Variants in UNC5B observed in about 807,000 individuals in gnomAD.
UNC5B encodes the protein netrin receptor UNC5B.
A neutral mutation model predicts 103.7 loss-of-function variants in UNC5B; 56 were observed. The observed-to-expected ratio is 0.54, with a 90% CI of 0.44 to 0.67. UNC5B has a LOEUF of 0.67. Ranked by LOEUF, UNC5B falls within the 30% of genes least tolerant of loss-of-function variation. The probability of loss-of-function intolerance (pLI) is 0.00; values close to 1 mark genes in which losing one functional copy is unlikely to be tolerated. For missense variants in UNC5B, 1,194 were observed against 1,284.5 expected, an observed-to-expected ratio of 0.93 and a Z score of 1.08; for synonymous variants, 577 against 542.0, an observed-to-expected ratio of 1.06 and a Z score of -0.90.
intron 1 of UNC5B, among the ~76,000 whole-genome samples, chr10:71,215,385 G>T (rs913600623): frequency 2.6e-5 from 4 of 152,114 alleles, no homozygotes; most frequent in Admixed American, 2.6e-4. Flanking sequence ...GGCAGGCGAG[G>T]CTCTCTCTGC....
intron 13 of UNC5B, among the ~76,000 whole-genome samples, chr10:71,295,088 G>A (rs548019016): frequency 6.6e-6 from 1 of 152,284 alleles, no homozygotes; most frequent in African/African-American, 2.4e-5. Flanking sequence ...CATGGGACTT[G>A]TCCCAAAGCC....
At chr10:71,250,370 C>G (rs922006382) in intron 1 of UNC5B, among the ~76,000 whole-genome samples, 4 of 152,240 alleles carry the variant, frequency 2.6e-5, no homozygotes, top group African/African-American at 9.6e-5. Context: ...GCCTTGGCCT[C>G]TCTTCTTCAT....
At chr10:71,244,891 C>T (rs1228919759) in intron 1 of UNC5B, among the ~76,000 whole-genome samples, 1 of 152,234 alleles carries the variant, frequency 6.6e-6, no homozygotes, top group African/African-American at 2.4e-5. Context: ...TCCCGCTGGC[C>T]CTCCCCAACC....
chr10:71,245,820 T>C (rs1302610909), intron 1 of UNC5B, among the ~76,000 whole-genome samples: 1 of 152,136 alleles, frequency 6.6e-6, no homozygotes, highest in East Asian at 1.9e-4. Flanking sequence ...TGTCCTCCCG[T>C]TCCATTGTGA....
chr10:71,239,729 G>C (rs1479372614), intron 1 of UNC5B, among the ~76,000 whole-genome samples: 1 of 151,946 alleles, frequency 6.6e-6, no homozygotes, highest in African/African-American at 2.4e-5. Context: ...ATGGGTGGGA[G>C]CCCCAGAGAT....
intron 1 of UNC5B, among the ~76,000 whole-genome samples, chr10:71,230,065 C>T (rs1483719950): frequency 6.6e-6 from 1 of 152,196 alleles, no homozygotes; most frequent in East Asian, 1.9e-4. Context: ...TATCATCTGA[C>T]TTTTCACCCC....
At chr10:71,276,083 A>T (rs1844764074) in intron 1 of UNC5B, among the ~76,000 whole-genome samples, 1 of 152,154 alleles carries the variant, frequency 6.6e-6, no homozygotes, top group South Asian at 2.1e-4. Context: ...CTTTCAATTT[A>T]TCCTAAGATT....
At chr10:71,258,205 G>A (rs1844335709) in intron 1 of UNC5B, among the ~76,000 whole-genome samples, 1 of 152,296 alleles carries the variant, frequency 6.6e-6, no homozygotes, top group South Asian at 2.1e-4. Flanking sequence ...CGGATGTTGG[G>A]CTCTTTCCAC....
chr10:71,280,701 C>G (rs949860862), intron 2 of UNC5B, among the ~76,000 whole-genome samples: 3 of 152,172 alleles, frequency 2.0e-5, no homozygotes, highest in African/African-American at 4.8e-5. Context: ...TGGGGCTCCC[C>G]ACATCTCCCA....
At chr10:71,282,422 C>CG (rs1844954158) in intron 2 of UNC5B, among the ~76,000 whole-genome samples, 2 of 152,334 alleles carry the variant, frequency 1.3e-5, no homozygotes, top group Admixed American at 1.3e-4. Flanking sequence ...CCCTGCATCT[C>CG]TGCTTGCTGG....
In UNC5B at chr10:71,299,196, C is replaced by T; in HGVS notation, c.2757C>T (p.Asp919=). The T allele has an allele frequency of 6.2e-7, 1 of 1,614,240 alleles. No homozygotes were observed. The highest frequency in any genetic ancestry group is 8.5e-7 in the Non-Finnish European group (1 of 1,180,046). ...LWEALQQDDG[D]LNSLASALEE... is the part of the protein sequence containing the mutation. ...AAGCTCTGCAGCAGGACGATGGGGA[C>T]CTCAACAGCCTGGCGAGTGCCTTGG... The change falls in exon 17 of 17, where the codon GAC becomes GAT. Residue 919 remains aspartate (D), a synonymous_variant. Coordinates refer to ENST00000335350, the MANE Select transcript of UNC5B (RefSeq NM_170744.5).
chr10:71,214,323 G>A (rs1037600128), intron 1 of UNC5B, among the ~76,000 whole-genome samples: 10 of 151,398 alleles, frequency 6.6e-5, no homozygotes, highest in African/African-American at 2.4e-4. Context: ...TGAGGGCTTG[G>A]CTTTAGCACA....
rs58235566 is a variant in UNC5B, at chr10:71,213,728, A to AGTGTGTGTGTGT, written c.79+687_79+698dup. On this transcript the variant is annotated intron_variant, in intron 1 of 16. Transcript: ENST00000335350. This position sits in a 1 kb window ranked among gnomAD's most constrained non-coding sequence, Gnocchi z 4.1. The stretch of plus-strand genomic sequence containing the variant: ...ATTATTAATTTTCTGAGTGTTGGAG[A>AGTGTGTGTGTGT]GTGTGTGTGTGTGTGTGTGTGTGTG... 0.034 allele frequency among the ~76,000 whole-genome samples: 4,446 copies of AGTGTGTGTGTGT among 131,340 alleles called. 80 individuals are homozygous for AGTGTGTGTGTGT. The highest frequency in any genetic ancestry group is 0.054 in the Middle Eastern group (14 of 260). The allele number at this position is 131,340 out of a possible 152,430, so 86.2% of individuals were successfully genotyped here. A position where few individuals can be genotyped will look rare whatever the true frequency, so the allele number is the denominator to read the frequency against.
chr10:71,291,734 C>A lies in UNC5B; in HGVS notation c.1597C>A (p.Gln533Lys). 5 of 1,611,782 alleles carry A rather than the reference C, an allele frequency of 3.1e-6. No individual in the cohort carries two copies. The highest frequency in any genetic ancestry group is 4.2e-6 in the Non-Finnish European group (5 of 1,179,940). ...GCGCAGCGCCAGCCTCGGTTCCCAGCAGCTCTTGGGCCTGCCCCGAGACCC... is the reference window on the plus strand; with the variant it reads ...GCGCAGCGCCAGCCTCGGTTCCCAGAAGCTCTTGGGCCTGCCCCGAGACCC... The part of the protein sequence containing the change: ...HLRSASLGSQ[Q>K]LLGLPRDPGS... The change falls in exon 10 of 17, where the codon CAG becomes AAG. Residue 533 changes from glutamine to lysine, a missense_variant. Physicochemically the swap from Gln to Lys is moderately conservative, Grantham distance 53 (BLOSUM62 1). Transcript: ENST00000335350.
At chr10:71,249,134 AC>A (rs1844116720) in intron 1 of UNC5B, among the ~76,000 whole-genome samples, 1 of 152,022 alleles carries the variant, frequency 6.6e-6, no homozygotes. Context: ...CAGGCACCTC[AC>A]CCCAGGGTTG....
At chr10:71,253,932 C>T (rs1352361724) in intron 1 of UNC5B, among the ~76,000 whole-genome samples, 1 of 152,134 alleles carries the variant, frequency 6.6e-6, no homozygotes, top group Non-Finnish European at 1.5e-5. Flanking sequence ...TGGTTCCAGG[C>T]GTGTCCTTCC....
At chr10:71,237,610 T>C (rs1843802472) in intron 1 of UNC5B, among the ~76,000 whole-genome samples, 1 of 152,158 alleles carries the variant, frequency 6.6e-6, no homozygotes, top group African/African-American at 2.4e-5. Flanking sequence ...CCTGAGTGCA[T>C]TAACTATTAT....
intron 1 of UNC5B, among the ~76,000 whole-genome samples, chr10:71,276,662 G>A (rs1358466949): frequency 6.6e-6 from 1 of 152,236 alleles, no homozygotes; most frequent in African/African-American, 2.4e-5. Flanking sequence ...TCGAGCTCCT[G>A]AGCTCAGGCA....
At chr10:71,217,141 TCTC>T (rs1457473911) in intron 1 of UNC5B, 15 of 152,810 alleles carry the variant, frequency 9.8e-5, no homozygotes, top group Admixed American at 2.0e-4. Flanking sequence ...TCCTCCTCCT[TCTC>T]CTCCTCACCA....
Sources: allele counts gnomAD v4.1 joint callset (sites outside exome capture counted in the v4.1 genomes callset), GRCh38; gene constraint gnomAD v4.1.1; non-coding constraint Gnocchi (gnomAD v3.1); transcripts MANE v1.5; gene names NCBI Gene and HGNC (gene_info 2026-07-23, HGNC 2026-07-21).